DGKI: variants seen among roughly 807,000 people sequenced by gnomAD.
DGKI encodes diacylglycerol kinase iota.
A neutral mutation model predicts 147.5 loss-of-function variants in DGKI; 55 were observed. That is an observed-to-expected ratio of 0.37 (90% CI 0.30 to 0.47). The LOEUF (loss-of-function observed/expected upper bound fraction) is 0.47, where lower values mean the gene tolerates loss of function less well. Among genes scored for constraint, DGKI ranks in the 20% least tolerant of loss-of-function variants. The pLI is 1.00. For synonymous variants in DGKI, 469 were observed against 477.1 expected (o/e 0.98, Z 0.22); for missense variants, 1,007 against 1,323.8 (o/e 0.76, Z 3.71).
At chr7:137,421,508 T>C (rs1812570047) in intron 28 of DGKI, among the ~76,000 whole-genome samples, 2 of 152,192 alleles carry the variant, frequency 1.3e-5, no homozygotes, top group Non-Finnish European at 2.9e-5. Context: ...CCGTCTAGTG[T>C]TCCCTCCTGG....
chr7:137,696,044 G>A (rs79580636), intron 1 of DGKI, among the ~76,000 whole-genome samples: 1,758 of 152,262 alleles, frequency 0.012, 28 homozygotes, highest in Non-Finnish European at 0.019. Flanking sequence ...ACACACATCA[G>A]CGGGCCCCCA....
At chr7:137,682,513 G>C (rs76771190) in intron 2 of DGKI, among the ~76,000 whole-genome samples, 2,514 of 152,266 alleles carry the variant, frequency 0.017, 34 homozygotes, top group South Asian at 0.041. Context: ...GAAGTTAATA[G>C]ATGTTCATTA....
At chr7:137,829,238 T>C (rs547241022) in intron 1 of DGKI, among the ~76,000 whole-genome samples, 6 of 152,318 alleles carry the variant, frequency 3.9e-5, no homozygotes, top group African/African-American at 7.2e-5. Flanking sequence ...ACCACTGTGG[T>C]GAGGAGAGGA....
intron 1 of DGKI, among the ~76,000 whole-genome samples, chr7:137,763,091 C>A (rs1043554722): frequency 1.3e-5 from 2 of 152,310 alleles, no homozygotes; most frequent in African/African-American, 4.8e-5. Flanking sequence ...GGTACAGAGT[C>A]CACATGAGAA....
rs895212731 is a variant in DGKI, at chr7:137,469,594, G to T, written c.2399C>A (p.Ala800Asp). The T allele has an allele frequency of 3.1e-6, 5 of 1,613,898 alleles. No homozygotes were observed. Among genetic ancestry groups the T allele is most frequent in the African/African-American group, 2.7e-5 (2 of 74,890 alleles). The change falls in exon 24 of 33, where the codon GCT becomes GAT. Residue 800 changes from alanine to aspartate, a missense_variant. By Grantham distance (126) the Ala-to-Asp change is moderately radical (BLOSUM62 -2). Around this residue, in one of 5 missense-constraint regions of DGKI, gnomAD observed 385 missense variants for 445.2 expected, o/e 0.86. Coordinates refer to ENST00000614521, the MANE Select transcript of DGKI (RefSeq NM_001321708.2). ...AGGAGAGAGCCTCTGTGCTGAGAGA[G>T]CCCTGGGGAAGGAGGTTTCATGGTC... ...YQDHETSFPR[A>D]LSAQRLSPRW... is the part of the protein sequence containing the mutation.
chr7:137,614,548 C>G (rs567003024), intron 8 of DGKI, among the ~76,000 whole-genome samples: 2 of 152,208 alleles, frequency 1.3e-5, no homozygotes, highest in Non-Finnish European at 2.9e-5. Flanking sequence ...TCAACAGATC[C>G]AGGCTTGATT....
At chr7:137,458,494 T>A (rs1013106312) in intron 27 of DGKI, among the ~76,000 whole-genome samples, 2 of 152,172 alleles carry the variant, frequency 1.3e-5, no homozygotes, top group Admixed American at 1.3e-4. Flanking sequence ...TTTGGGGGTT[T>A]CTTACGAACT....
chr7:137,788,138 G>A (rs1796728908), intron 1 of DGKI, among the ~76,000 whole-genome samples: 1 of 152,052 alleles, frequency 6.6e-6, no homozygotes, highest in African/African-American at 2.4e-5. Flanking sequence ...CAGCATATTA[G>A]GGATACGATA....
chr7:137,807,945 G>A (rs1372798280), intron 1 of DGKI, among the ~76,000 whole-genome samples: 2 of 152,164 alleles, frequency 1.3e-5, no homozygotes, highest in Non-Finnish European at 2.9e-5. Flanking sequence ...ATATAGGTGT[G>A]TGTATGACTG....
At chr7:137,672,039 C>T (rs531745495) in intron 3 of DGKI, among the ~76,000 whole-genome samples, 8 of 152,176 alleles carry the variant, frequency 5.3e-5, no homozygotes, top group Non-Finnish European at 7.3e-5. Flanking sequence ...ACAACATACA[C>T]GCTCACTCAC....
intron 1 of DGKI, among the ~76,000 whole-genome samples, chr7:137,823,942 G>A (rs532784860): frequency 3.9e-5 from 6 of 152,200 alleles, no homozygotes; most frequent in East Asian, 3.9e-4. Context: ...TGGGTGACTC[G>A]GCTATGGATA....
chr7:137,417,763 A>G (rs540689916), intron 28 of DGKI, among the ~76,000 whole-genome samples: 1 of 152,302 alleles, frequency 6.6e-6, no homozygotes, highest in South Asian at 2.1e-4. Context: ...TGCCCTTCTA[A>G]AAGAGCCTTG....
At chr7:137,408,166 C>A (rs762445694) in intron 29 of DGKI, among the ~76,000 whole-genome samples, 171 bp from the exon 30 acceptor site, 4 of 152,206 alleles carry the variant, frequency 2.6e-5, no homozygotes, top group Non-Finnish European at 5.9e-5. Flanking sequence ...TTATCACTCA[C>A]AGAGATGACC....
intron 20 of DGKI, among the ~76,000 whole-genome samples, chr7:137,547,634 G>A (rs140323902): frequency 2.6e-5 from 4 of 152,190 alleles, no homozygotes; most frequent in Non-Finnish European, 4.4e-5. Context: ...TGTGTGAGTC[G>A]CTGATGCAAG....
At position 137,383,976 on chromosome 7, in the gene DGKI, A is replaced by G. The variant is rs1289824451; in HGVS notation, c.*7244T>C. ...AGCCTGTTTGTTTTTCTCTACTTCA[A>G]ATATGCCGGAATTTCCCATAGGTGT... On this transcript the variant is annotated 3_prime_UTR_variant, in exon 33 of 33. Transcript: ENST00000614521. 6.6e-6 allele frequency: 1 copy of G among 152,008 alleles called. No homozygotes were observed. The highest frequency in any genetic ancestry group is 1.5e-5 in the Non-Finnish European group (1 of 67,946). The allele number at this position is 152,008 out of a possible 1,614,324, so 9.4% of individuals were successfully genotyped here. A position where few individuals can be genotyped will look rare whatever the true frequency, so the allele number is the denominator to read the frequency against.
chr7:137,717,067 A>G (rs1351719985), intron 1 of DGKI, among the ~76,000 whole-genome samples: 2 of 152,198 alleles, frequency 1.3e-5, no homozygotes, highest in African/African-American at 4.8e-5. Context: ...TTCTGATTGG[A>G]TTACAGAAGA....
At chr7:137,435,498 G>A (rs906832591) in intron 28 of DGKI, among the ~76,000 whole-genome samples, 1 of 152,060 alleles carries the variant, frequency 6.6e-6, no homozygotes, top group Admixed American at 6.6e-5. Flanking sequence ...GAAAGGCGAG[G>A]TCTAGAGAGG....
At position 137,514,456 on chromosome 7, in the gene DGKI, T is replaced by C. The variant is rs114546929; in HGVS notation, c.2248+7410A>G. Among the ~76,000 whole-genome samples the C allele has an allele frequency of 6.9e-3, 1,045 of 152,212 alleles. 9 individuals are homozygous for C. Among genetic ancestry groups the C allele is most frequent in the African/African-American group, 0.024 (988 of 41,518 alleles). On this transcript the variant is annotated intron_variant, in intron 21 of 32. Transcript: ENST00000614521. ...TCCAACTACCAATTCTTAGTGTGCA[T>C]CTTACTCAACTTCTCTGAAACGCTG...
Position 137,559,373 on chromosome 7 carries a change from G to C in DGKI, c.1948-6805C>G, listed in dbSNP as rs564181815. On this transcript the variant is annotated intron_variant, in intron 19 of 32. Transcript: ENST00000614521. ...GGCGTGAGCCACCGCGCCTGGCCTT[G>C]TACCTACAATTCTATAATCATGTTC... Among the ~76,000 whole-genome samples, 4 of 152,056 alleles carry C rather than the reference G, an allele frequency of 2.6e-5. 1 individual carries two copies. Among genetic ancestry groups the C allele is most frequent in the African/African-American group, 9.6e-5 (4 of 41,490 alleles).
Sources: allele counts gnomAD v4.1 joint callset (sites outside exome capture counted in the v4.1 genomes callset), GRCh38; gene constraint gnomAD v4.1.1; regional missense constraint gnomAD v4.1.1; transcripts MANE v1.5; gene names NCBI Gene and HGNC (gene_info 2026-07-23, HGNC 2026-07-21).